Variants in PDE6B observed in about 807,000 individuals in gnomAD.
PDE6B encodes rod cGMP-specific 3',5'-cyclic phosphodiesterase subunit beta.
A neutral mutation model predicts 109.0 loss-of-function variants in PDE6B; 106 were observed. The observed-to-expected ratio is 0.97, with a 90% CI of 0.83 to 1.14. PDE6B has a LOEUF of 1.14. Ranked by LOEUF, PDE6B falls within the 50% of genes most tolerant of loss-of-function variation. The pLI is 0.00. For missense variants in PDE6B, 1,193 were observed against 1,155.6 expected, an observed-to-expected ratio of 1.03 and a Z score of -0.47; for synonymous variants, 490 against 471.3, an observed-to-expected ratio of 1.04 and a Z score of -0.51.
In PDE6B at chr4:663,706, G is replaced by T; in HGVS notation, c.1921-64G>T. 1 of 1,229,080 alleles carries T rather than the reference G, an allele frequency of 8.1e-7. No homozygotes were observed. The highest frequency in any genetic ancestry group is 1.8e-5 in the Admixed American group (1 of 56,634). The allele number at this position is 1,229,080 out of a possible 1,614,324, so 76.1% of individuals were successfully genotyped here. ...ACAGGCAGCCGAGGCGGAAGGGGCGGGGTCCCCGGGCACCCTGAGAGGTGG... is the reference window on the plus strand; with the variant it reads ...ACAGGCAGCCGAGGCGGAAGGGGCGTGGTCCCCGGGCACCCTGAGAGGTGG... On this transcript the variant is annotated intron_variant, in intron 15 of 21. Coordinates refer to ENST00000496514, the MANE Select transcript of PDE6B (RefSeq NM_000283.4). This position sits in a 1 kb window ranked among gnomAD's most constrained non-coding sequence, Gnocchi z 4.0.
intron 3 of PDE6B, among the ~76,000 whole-genome samples, chr4:640,400 A>T (rs1002025902): frequency 6.6e-6 from 1 of 152,070 alleles, no homozygotes; most frequent in Non-Finnish European, 1.5e-5. Context: ...TTAGCCAGGC[A>T]TGGTGGCGGG....
chr4:662,208 C>A lies in PDE6B; in HGVS notation c.1689C>A (p.Phe563Leu). 1.3e-6 allele frequency: 2 copies of A among 1,574,196 alleles called. No individual in the cohort carries two copies. The highest frequency in any genetic ancestry group is 1.2e-5 in the South Asian group (1 of 86,366). Reference sequence around the variant, plus strand: ...CCTACCACAACTGGCGCCACGGCTTCAACGTGGCCCAGACGATGTTCACGC... The same window carrying A: ...CCTACCACAACTGGCGCCACGGCTTAAACGTGGCCCAGACGATGTTCACGC... ...RITYHNWRHG[F>L]NVAQTMFTLL... Residue 563 changes from phenylalanine to leucine, a missense_variant, in exon 13 of 22, where the codon TTC becomes TTA. Phe to Leu is a conservative substitution (Grantham distance 22). Transcript: ENST00000496514. This position sits in a 1 kb window ranked among gnomAD's most constrained non-coding sequence, Gnocchi z 4.3.
intron 2 of PDE6B, among the ~76,000 whole-genome samples, chr4:635,450 C>T (rs1156408564): frequency 9.2e-6 from 1 of 108,474 alleles, no homozygotes; most frequent in Admixed American, 8.9e-5. Context: ...TGCCTGCCTG[C>T]CTGCGTGTTC....
chr4:655,275 C>T (rs982495381), intron 6 of PDE6B: 4 of 318,694 alleles, frequency 1.3e-5, no homozygotes, highest in South Asian at 3.1e-5. Flanking sequence ...GCCAGGAGGC[C>T]GAGTCTTGGC....
chr4:641,223 C>A (rs1734928718), intron 3 of PDE6B, among the ~76,000 whole-genome samples: 1 of 152,222 alleles, frequency 6.6e-6, no homozygotes, highest in Admixed American at 6.5e-5. Context: ...CAGAATTTTG[C>A]AGTTTCTGCA....
chr4:655,035 T>A, intron 6 of PDE6B, 147 bp downstream of exon 6: 1 of 692,200 alleles, frequency 1.4e-6, no homozygotes, highest in Non-Finnish European at 2.6e-6. Flanking sequence ...GTGCTCTGTG[T>A]GCCGTGGGGC....
intron 3 of PDE6B, among the ~76,000 whole-genome samples, chr4:651,134 C>T (rs1735502132): frequency 6.9e-6 from 1 of 144,386 alleles, no homozygotes; most frequent in African/African-American, 2.6e-5. Flanking sequence ...AGCAGTGGGG[C>T]CGTCACAGGC....
chr4:658,944 CTG>C lies in PDE6B; in HGVS notation c.1402-4_1402-3del, dbSNP rs1341461856. The C allele has an allele frequency of 6.8e-6, 11 of 1,608,388 alleles. No homozygotes were observed. Among genetic ancestry groups the C allele is most frequent in the Non-Finnish European group, 9.4e-6 (11 of 1,175,354 alleles). On this transcript the variant is annotated splice_region_variant and splice_polypyrimidine_tract_variant and intron_variant, in intron 10 of 21. Transcript: ENST00000496514. ...TCTTTCTCGTGACACATCTGTGTCT[CTG>C]TGTAGCCAACCAGAGCGCGCCTGGG...
rs1480320960 is a variant in PDE6B, at chr4:663,618, C to T, written c.1921-152C>T. 7.2e-6 allele frequency: 5 copies of T among 690,130 alleles called. No homozygotes were observed. The highest frequency in any genetic ancestry group is 5.3e-5 in the African/African-American group (3 of 56,784). 42.8% of individuals were successfully genotyped at this position (690,130 alleles called of 1,614,324 possible). A position where few individuals can be genotyped will look rare whatever the true frequency, so the allele number is the denominator to read the frequency against. On this transcript the variant is annotated intron_variant, in intron 15 of 21. Transcript: ENST00000496514. The surrounding 1 kb of genome is among the most constrained non-coding windows in gnomAD (Gnocchi z 4.0). ...AGAGCTGGGCACCCTGAGGAGGGCC[C>T]TGAGCAGCAGGCGGATTAGGGGTCC... is the stretch of plus-strand genomic sequence containing the variant.
At chr4:627,295 G>A (rs1002701853) in intron 1 of PDE6B, among the ~76,000 whole-genome samples, 9 of 152,036 alleles carry the variant, frequency 5.9e-5, no homozygotes, top group South Asian at 2.1e-4. Context: ...AGAGGTGCCC[G>A]CCACCACACC....
At chr4:654,285 G>A in intron 5 of PDE6B, 131 bp downstream of exon 5, 1 of 816,944 alleles carries the variant, frequency 1.2e-6, no homozygotes, top group Non-Finnish European at 2.0e-6. Context: ...GACCCCGGGT[G>A]CCTGTCTGTG....
chr4:655,844 CT>C, intron 6 of PDE6B, 95 bp from the exon 7 acceptor site: 1 of 807,878 alleles, frequency 1.2e-6, no homozygotes, highest in Non-Finnish European at 2.2e-6. Context: ...AGACCAGCCC[CT>C]CTCACCCCTG....
In PDE6B at chr4:666,699, TCA is replaced by T; in HGVS notation, c.2352+89_2352+90del. ...GGGCGCGGGCTGGAGTCGCGTGGAC[TCA>T]CACGGGCCCGGCGGTGTCCTCACTG... On this transcript the variant is annotated intron_variant, in intron 20 of 21. Coordinates refer to ENST00000496514, the MANE Select transcript of PDE6B (RefSeq NM_000283.4). The surrounding 1 kb of genome is among the most constrained non-coding windows in gnomAD (Gnocchi z 5.6). 1.1e-6 allele frequency: 1 copy of T among 879,144 alleles called. No homozygotes were observed. The highest frequency in any genetic ancestry group is 1.3e-5 in the South Asian group (1 of 75,288). The allele number at this position is 879,144 out of a possible 1,614,324, so 54.5% of individuals were successfully genotyped here.
rs1009799297 is a variant in PDE6B, at chr4:626,199, T to G, written c.468+105T>G. The G allele has an allele frequency of 1.4e-6, 1 of 734,016 alleles. No homozygotes were observed. The highest frequency in any genetic ancestry group is 1.7e-5 in the African/African-American group (1 of 57,442). The allele number at this position is 734,016 out of a possible 1,614,324, so 45.5% of individuals were successfully genotyped here. The stretch of plus-strand genomic sequence containing the variant: ...TCCTCAGGCCTCCAGGGAGGCCTCT[T>G]GTCAGGGCACAGGCTAGTTCTGTGC... On this transcript the variant is annotated intron_variant, in intron 1 of 21. Transcript: ENST00000496514. The surrounding 1 kb of genome is among the most constrained non-coding windows in gnomAD (Gnocchi z 4.6).
chr4:650,092 G>T (rs1735423981), intron 3 of PDE6B, among the ~76,000 whole-genome samples: 1 of 152,174 alleles, frequency 6.6e-6, no homozygotes, highest in Non-Finnish European at 1.5e-5. Context: ...TGTGGATGCA[G>T]CAGGTGTATC....
rs373029524 is a variant in PDE6B, at chr4:656,275, G to A, written c.1090G>A (p.Glu364Lys). ...ICNIMNASAD[E>K]MFKFQEGALD... ...TAACATCATGAATGCTTCCGCTGAC[G>A]AAATGTTCAAATTTCAGGTATCTGT... Residue 364 changes from glutamate (E) to lysine (K), a missense_variant, in exon 8 of 22, where the codon GAA (glutamate) becomes AAA (lysine). Transcript: ENST00000496514. 15 of 1,590,830 alleles carry A rather than the reference G, an allele frequency of 9.4e-6. No homozygotes were observed. Among genetic ancestry groups the A allele is most frequent in the Middle Eastern group, 1.7e-4 (1 of 6,046 alleles).
chr4:655,890 C>CG (rs1345263513), intron 6 of PDE6B, 50 bp from the exon 7 acceptor site: 1 of 1,087,318 alleles, frequency 9.2e-7, no homozygotes, highest in Non-Finnish European at 1.4e-6. Context: ...CTCCTGCACG[C>CG]GCACATCCAG....
chr4:630,219 C>T (rs370651023), intron 1 of PDE6B, among the ~76,000 whole-genome samples: 6 of 152,108 alleles, frequency 3.9e-5, no homozygotes, highest in Admixed American at 2.0e-4. Flanking sequence ...ACAGGGAGGC[C>T]GAGGGATCCA....
rs568869495 is a variant in PDE6B at position 626,254 on chromosome 4, G to A, written c.468+160G>A. ...GAGCAAGTACCTAGAGCCCCCTCCC[G>A]GCACTGTGCCCTGGCCGCCTGCCTC... On this transcript the variant is annotated intron_variant, in intron 1 of 21. Transcript: ENST00000496514. The surrounding 1 kb of genome is among the most constrained non-coding windows in gnomAD (Gnocchi z 4.6). Among the ~76,000 whole-genome samples, 249 of 152,316 alleles carry A rather than the reference G, an allele frequency of 1.6e-3. 2 individuals are homozygous for A. Among genetic ancestry groups the A allele is most frequent in the African/African-American group, 5.8e-3 (240 of 41,580 alleles).
Sources: gnomAD v4.1 joint callset for allele counts (sites outside exome capture counted in the v4.1 genomes callset) on GRCh38, gnomAD v4.1.1 for gene constraint, Gnocchi (gnomAD v3.1) non-coding constraint, MANE v1.5 for transcripts, NCBI Gene and HGNC (gene_info 2026-07-23, HGNC 2026-07-21) for gene names.